The following ZFHX3 variants were observed in gnomAD, a reference collection of about 807,000 sequenced individuals.
The protein encoded by ZFHX3 is zinc finger homeobox 3, also known as zinc finger homeobox protein 3.
Under a neutral mutation model 279.1 loss-of-function variants are expected in ZFHX3, and 42 were observed. The ratio of observed to expected loss-of-function variants is 0.15; its 90% CI spans 0.12 to 0.19. The LOEUF (loss-of-function observed/expected upper bound fraction) is 0.19. Ranked by LOEUF, ZFHX3 falls within the 10% of genes least tolerant of loss-of-function variation. ZFHX3 has a pLI of 1.00. For missense variants in ZFHX3, 4,981 were observed against 4,754.0 expected, an observed-to-expected ratio of 1.05 and a Z score of -1.40; for synonymous variants, 2,293 against 1,957.8, an observed-to-expected ratio of 1.17 and a Z score of -4.52.
chr16:73,195,902 G>A (rs192845208), intron 5 of ZFHX3, among the ~76,000 whole-genome samples: 1 of 152,186 alleles, frequency 6.6e-6, no homozygotes, highest in African/African-American at 2.4e-5. Flanking sequence ...TTACACCAAT[G>A]GTGCAGAGAG....
intron 1 of ZFHX3, among the ~76,000 whole-genome samples, chr16:73,745,593 A>T (rs1312547346): frequency 6.6e-6 from 1 of 152,226 alleles, no homozygotes; most frequent in African/African-American, 2.4e-5. Flanking sequence ...TTCAAACCAA[A>T]TGCGTGTATA....
intron 1 of ZFHX3, among the ~76,000 whole-genome samples, chr16:73,020,888 G>C (rs1964275013): frequency 6.6e-6 from 1 of 151,908 alleles, no homozygotes; most frequent in Admixed American, 6.6e-5. Context: ...TTCCATAGGG[G>C]TTCAAATGCA....
In ZFHX3 at chr16:72,793,167, A is replaced by G; in HGVS notation, c.9427+88T>C. The G allele has an allele frequency of 6.6e-7, 1 of 1,517,040 alleles. No individual in the cohort carries two copies. The highest frequency in any genetic ancestry group is 8.8e-7 in the Non-Finnish European group (1 of 1,135,322). 94.0% of individuals were successfully genotyped at this position (1,517,040 alleles called of 1,614,324 possible). Reference sequence around the variant, plus strand: ...AAGGTAAGCTTCCCATCTGCCCAGCACTCAGAGGGTTTGGGTGGTATCCAC... The same window carrying G: ...AAGGTAAGCTTCCCATCTGCCCAGCGCTCAGAGGGTTTGGGTGGTATCCAC... On this transcript the variant is annotated intron_variant, in intron 9 of 9. Transcript: ENST00000268489. This position sits in a 1 kb window ranked among gnomAD's most constrained non-coding sequence, Gnocchi z 4.3.
chr16:73,282,868 C>T (rs2014491928), intron 4 of ZFHX3, among the ~76,000 whole-genome samples: 2 of 152,198 alleles, frequency 1.3e-5, no homozygotes, highest in African/African-American at 4.8e-5. Flanking sequence ...TTAAGTCCTT[C>T]ATTTGTCATT....
At chr16:73,547,225 C>G (rs2020133168) in intron 2 of ZFHX3, among the ~76,000 whole-genome samples, 2 of 151,870 alleles carry the variant, frequency 1.3e-5, no homozygotes, top group African/African-American at 4.8e-5. Context: ...TGGTACTATT[C>G]TATTTTTATA....
intron 3 of ZFHX3, among the ~76,000 whole-genome samples, chr16:72,946,578 C>G (rs776210546): frequency 2.6e-5 from 4 of 152,230 alleles, no homozygotes; most frequent in African/African-American, 4.8e-5. Context: ...TGCCCCGCCC[C>G]CTCCGGGTAG....
intron 1 of ZFHX3, among the ~76,000 whole-genome samples, chr16:73,797,363 C>A (rs1960024478): frequency 1.3e-5 from 2 of 152,208 alleles, no homozygotes; most frequent in South Asian, 4.1e-4. Flanking sequence ...AGTTTCCTGA[C>A]CTGCTCCTGT....
intron 3 of ZFHX3, among the ~76,000 whole-genome samples, chr16:73,451,190 T>C (rs766460757): frequency 6.6e-6 from 1 of 152,172 alleles, no homozygotes; most frequent in Non-Finnish European, 1.5e-5. Context: ...AGGCACCTGA[T>C]CTGAACTGGG....
At chr16:73,394,597 C>G (rs112329504) in intron 3 of ZFHX3, among the ~76,000 whole-genome samples, 4 of 152,158 alleles carry the variant, frequency 2.6e-5, no homozygotes, top group African/African-American at 7.2e-5. Flanking sequence ...GCACCCAGCC[C>G]TATTTAATAT....
chr16:73,428,070 G>A (rs1002747175), intron 3 of ZFHX3, among the ~76,000 whole-genome samples: 1 of 152,090 alleles, frequency 6.6e-6, no homozygotes, highest in Admixed American at 6.5e-5. Flanking sequence ...TTATTTGGGA[G>A]GTCTACTAAG....
intron 1 of ZFHX3, among the ~76,000 whole-genome samples, chr16:73,816,572 G>A (rs1960577922): frequency 6.6e-6 from 1 of 152,128 alleles, no homozygotes; most frequent in Non-Finnish European, 1.5e-5. Context: ...ATCTGGCCTT[G>A]TACAGAAAAA....
intron 4 of ZFHX3, among the ~76,000 whole-genome samples, chr16:72,856,659 A>G (rs1439001665): frequency 1.3e-5 from 2 of 152,202 alleles, no homozygotes; most frequent in African/African-American, 2.4e-5. Flanking sequence ...TTCCTAGCAC[A>G]TGGAAAACTC....
intron 5 of ZFHX3, among the ~76,000 whole-genome samples, chr16:73,246,706 C>T (rs1007509228): frequency 2.6e-4 from 39 of 152,310 alleles, no homozygotes; most frequent in African/African-American, 9.4e-4. Context: ...TCTTTAGATA[C>T]GATGTGCTTA....
At chr16:73,305,014 A>G (rs902758865) in intron 4 of ZFHX3, among the ~76,000 whole-genome samples, 6 of 152,166 alleles carry the variant, frequency 3.9e-5, no homozygotes, top group Non-Finnish European at 7.3e-5. Context: ...ACTTACTGTC[A>G]GATCTCTTTA....
chr16:73,879,261 C>A (rs1466001107), intron 1 of ZFHX3, among the ~76,000 whole-genome samples: 2 of 146,142 alleles, frequency 1.4e-5, no homozygotes, highest in African/African-American at 5.0e-5. Flanking sequence ...GAAAGACTAC[C>A]ATCGTGGTCA....
At chr16:73,724,934 C>T (rs1218934614) in intron 1 of ZFHX3, among the ~76,000 whole-genome samples, 1 of 152,176 alleles carries the variant, frequency 6.6e-6, no homozygotes, top group Non-Finnish European at 1.5e-5. Context: ...GGCCTTCTCC[C>T]TCCAAAATCA....
rs192904422 is a variant in ZFHX3, at chr16:73,754,931, G to T, written c.-1607-74691C>A. Among the ~76,000 whole-genome samples, 88 of 152,200 alleles carry T rather than the reference G, an allele frequency of 5.8e-4. No homozygotes were observed. The East Asian group carries it at 0.016, about 27-fold the overall frequency. On this transcript the variant is annotated intron_variant, in intron 1 of 17. Transcript: ENST00000641206. Reference sequence around the variant, plus strand: ...CCAAACCCAAGAGTTTAAACTAGATGATAGTAACAATAACTTATTGAAAGT... The same window carrying T: ...CCAAACCCAAGAGTTTAAACTAGATTATAGTAACAATAACTTATTGAAAGT...
chr16:73,447,730 T>C (rs2018212187), intron 3 of ZFHX3, among the ~76,000 whole-genome samples: 1 of 152,046 alleles, frequency 6.6e-6, no homozygotes, highest in Admixed American at 6.6e-5. Context: ...AAGCAGGAAG[T>C]TGGTCAAGAA....
At chr16:73,585,178 G>A (rs537685336) in intron 2 of ZFHX3, among the ~76,000 whole-genome samples, 1 of 152,334 alleles carries the variant, frequency 6.6e-6, no homozygotes, top group African/African-American at 2.4e-5. Context: ...AGCACTTTGG[G>A]AGGCCGAGGT....
Sources: gnomAD v4.1 joint callset for allele counts (sites outside exome capture counted in the v4.1 genomes callset) on GRCh38, gnomAD v4.1.1 for gene constraint, Gnocchi (gnomAD v3.1) non-coding constraint, MANE v1.5 for transcripts, NCBI Gene and HGNC (gene_info 2026-07-23, HGNC 2026-07-21) for gene names.